Variants in PCSK2 observed in about 807,000 individuals in gnomAD.
The protein encoded by PCSK2 is neuroendocrine convertase 2.
Under a neutral mutation model 69.7 loss-of-function variants are expected in PCSK2, and 14 were observed. The ratio of observed to expected loss-of-function variants is 0.20; its 90% CI spans 0.13 to 0.31. The LOEUF (loss-of-function observed/expected upper bound fraction) is 0.31, where lower values mean the gene tolerates loss of function less well. Ranked by LOEUF, PCSK2 falls within the 10% of genes least tolerant of loss-of-function variation. The pLI is 1.00. For synonymous variants in PCSK2, 307 were observed against 320.7 expected, an observed-to-expected ratio of 0.96 and a Z score of 0.46; for missense variants, 544 against 842.5, an observed-to-expected ratio of 0.65 and a Z score of 4.39.
intron 5 of PCSK2, among the ~76,000 whole-genome samples, chr20:17,387,158 G>A (rs1030795212): frequency 3.3e-5 from 5 of 152,086 alleles, no homozygotes; most frequent in African/African-American, 7.2e-5. Flanking sequence ...TGTTGTACAC[G>A]TTGTACATTC....
chr20:17,303,424 ATTTT>A (rs1431919921), intron 2 of PCSK2, among the ~76,000 whole-genome samples: 1 of 110,746 alleles, frequency 9.0e-6, no homozygotes, highest in South Asian at 2.4e-4. Context: ...ATGGTTATAT[ATTTT>A]TAATATATAA....
intron 7 of PCSK2, among the ~76,000 whole-genome samples, chr20:17,433,995 G>A (rs959199785): frequency 1.0e-4 from 9 of 85,926 alleles, no homozygotes; most frequent in Middle Eastern, 0.011. Context: ...CTCTCTCCCT[G>A]TCCTCTCCCT....
At chr20:17,404,502 G>T (rs966251865) in intron 5 of PCSK2, among the ~76,000 whole-genome samples, 5 of 152,196 alleles carry the variant, frequency 3.3e-5, no homozygotes, top group African/African-American at 1.2e-4. Flanking sequence ...CCATCGCAAT[G>T]TAATGCTCTC....
At chr20:17,451,760 C>A (rs1325933398) in intron 8 of PCSK2, among the ~76,000 whole-genome samples, 1 of 152,162 alleles carries the variant, frequency 6.6e-6, no homozygotes, top group African/African-American at 2.4e-5. Context: ...ACACTCCCCA[C>A]ACAAAGAAGA....
chr20:17,338,187 GTTTTTGTTTTTTGT>G (rs1171212094), intron 2 of PCSK2, among the ~76,000 whole-genome samples: 2 of 147,600 alleles, frequency 1.4e-5, no homozygotes, highest in African/African-American at 5.0e-5. Context: ...GGGGGGTTGT[GTTTTTGTTTTTTGT>G]TTTTTGTTTT....
rs545985522 is a variant in PCSK2, at chr20:17,275,794, T to A, written c.282+15450T>A. Among the ~76,000 whole-genome samples, 9 of 152,282 alleles carry A rather than the reference T, an allele frequency of 5.9e-5. No homozygotes were observed. The South Asian group carries it at 1.9e-3, about 32-fold the overall frequency. On this transcript the variant is annotated intron_variant, in intron 2 of 11. Transcript: ENST00000262545. ...TTCAGAACTCTTGTCCCTCTCTAAATTCTTGTAACCTTCTAATCTCTCTGG... is the reference window on the plus strand; with the variant it reads ...TTCAGAACTCTTGTCCCTCTCTAAAATCTTGTAACCTTCTAATCTCTCTGG...
rs1394249605 is a variant in PCSK2, at chr20:17,483,640, A to C, written c.*1570A>C. On this transcript the variant is annotated 3_prime_UTR_variant, in exon 12 of 12. Coordinates refer to ENST00000262545, the MANE Select transcript of PCSK2 (RefSeq NM_002594.5). ...GGCCACTTTAAGAGAGAAATCTGAA[A>C]ACCCCATTTGCTTTCTTTTCTCCCA... The C allele has an allele frequency of 6.6e-6, 1 of 152,260 alleles. No individual in the cohort carries two copies. The highest frequency in any genetic ancestry group is 1.5e-5 in the Non-Finnish European group (1 of 68,034). 9.4% of individuals were successfully genotyped at this position (152,260 alleles called of 1,614,324 possible).
At position 17,449,581 on chromosome 20, in the gene PCSK2, A is replaced by T. The variant is rs185486824; in HGVS notation, c.886-4161A>T. ...GTTTTACTCTTGTTGCCCAGGCTGG[A>T]GTGCAATAGCGCGATCTCAGCTCAC... is the stretch of plus-strand genomic sequence containing the variant. On this transcript the variant is annotated intron_variant, in intron 8 of 11. Coordinates refer to ENST00000262545, the MANE Select transcript of PCSK2 (RefSeq NM_002594.5). Among the ~76,000 whole-genome samples, 25 of 91,446 alleles carry T rather than the reference A, an allele frequency of 2.7e-4. 2 individuals carry two copies. In the East Asian group the frequency reaches 6.9e-3, roughly 25 times the overall value. The allele number at this position is 91,446 out of a possible 152,430, so 60.0% of individuals were successfully genotyped here.
chr20:17,462,012 G>A (rs536793206), intron 10 of PCSK2, among the ~76,000 whole-genome samples: 1 of 152,216 alleles, frequency 6.6e-6, no homozygotes, highest in South Asian at 2.1e-4. Flanking sequence ...CTGACCCCTG[G>A]ACCCAAGTTT....
chr20:17,232,814 A>G (rs1986190399), intron 1 of PCSK2, among the ~76,000 whole-genome samples: 1 of 152,234 alleles, frequency 6.6e-6, no homozygotes. Context: ...CAGCATATAG[A>G]TTTGATCATA....
Position 17,453,847 on chromosome 20 carries a change from A to G in PCSK2, c.991A>G (p.Ile331Val). The change falls in exon 9 of 12, where the codon ATC becomes GTC. Residue 331 changes from isoleucine (I) to valine (V), a missense_variant. Coordinates refer to ENST00000262545, the MANE Select transcript of PCSK2 (RefSeq NM_002594.5). The surrounding 1 kb of genome is among the most constrained non-coding windows in gnomAD (Gnocchi z 4.0). ...GYASSMWTIS[I>V]NSAINDGRTA... is the part of the protein sequence containing the mutation. The stretch of plus-strand genomic sequence containing the variant: ...CGCCTCCAGCATGTGGACCATCTCC[A>G]TCAACTCAGCCATCAACGACGGCAG... 6.2e-7 allele frequency: 1 copy of G among 1,614,236 alleles called. No homozygotes were observed. Among genetic ancestry groups the G allele is most frequent in the Non-Finnish European group, 8.5e-7 (1 of 1,180,038 alleles).
At chr20:17,413,792 C>T (rs2031933585) in intron 6 of PCSK2, among the ~76,000 whole-genome samples, 1 of 152,186 alleles carries the variant, frequency 6.6e-6, no homozygotes, top group South Asian at 2.1e-4. Flanking sequence ...GTAAAGCACT[C>T]CTCAGCAAAT....
At chr20:17,436,220 C>T (rs976979092) in intron 7 of PCSK2, among the ~76,000 whole-genome samples, 5 of 152,154 alleles carry the variant, frequency 3.3e-5, no homozygotes, top group Admixed American at 1.3e-4. Context: ...TGACCCCACC[C>T]GCTCCTGCAC....
At chr20:17,402,683 GGT>G in intron 5 of PCSK2, among the ~76,000 whole-genome samples, 1 of 126,004 alleles carries the variant, frequency 7.9e-6, no homozygotes, top group African/African-American at 3.1e-5. Flanking sequence ...AAAAAGGCAT[GGT>G]GGCTCATGCC....
At chr20:17,424,679 G>C (rs755736893) in intron 6 of PCSK2, among the ~76,000 whole-genome samples, 47 of 152,244 alleles carry the variant, frequency 3.1e-4, no homozygotes, top group Non-Finnish European at 5.9e-4. Context: ...TTTTAGTAGA[G>C]ACAGGGTTTC....
chr20:17,276,445 A>AACACACAC (rs58766799), intron 2 of PCSK2, among the ~76,000 whole-genome samples: 1,876 of 146,940 alleles, frequency 0.013, 16 homozygotes, highest in South Asian at 0.056. Context: ...TTTTAAATTC[A>AACACACAC]ACACACACAC....
At chr20:17,370,040 G>A (rs6034804) in intron 5 of PCSK2, among the ~76,000 whole-genome samples, 143,579 of 152,318 alleles carry the variant, frequency 0.94, 67,768 homozygotes, top group African/African-American at 0.99. Flanking sequence ...TGACTCAGCA[G>A]TTCACACGCT....
intron 4 of PCSK2, among the ~76,000 whole-genome samples, chr20:17,365,382 A>G (rs148830640): frequency 6.6e-6 from 1 of 152,318 alleles, no homozygotes; most frequent in Non-Finnish European, 1.5e-5. Context: ...ACTAGGGATT[A>G]AGTTTCAACA....
rs11467589 is a variant in PCSK2 at position 17,258,761 on chromosome 20, A to AGTGTGTGTGTGTGT, written c.178-1456_178-1443dup. ...AGAAGAACCACTTTGCATAATATGT[A>AGTGTGTGTGTGTGT]GTGTGTGTGTGTGTGTGTGTGTGTG... On this transcript the variant is annotated intron_variant, in intron 1 of 11. Coordinates refer to ENST00000262545, the MANE Select transcript of PCSK2 (RefSeq NM_002594.5). 2.6e-3 allele frequency among the ~76,000 whole-genome samples: 377 copies of AGTGTGTGTGTGTGT among 145,098 alleles called. 1 individual carries two copies. Among genetic ancestry groups the AGTGTGTGTGTGTGT allele is most frequent in the Admixed American group, 3.4e-3 (49 of 14,438 alleles).
Sources: gnomAD v4.1 joint callset for allele counts (sites outside exome capture counted in the v4.1 genomes callset) on GRCh38, gnomAD v4.1.1 for gene constraint, Gnocchi (gnomAD v3.1) non-coding constraint, MANE v1.5 for transcripts, NCBI Gene and HGNC (gene_info 2026-07-23, HGNC 2026-07-21) for gene names.